NUAK1: variants seen among roughly 807,000 people sequenced by gnomAD.
NUAK1 encodes NUAK family kinase 1, also known as NUAK family SNF1-like kinase 1.
Under a neutral mutation model 56.9 loss-of-function variants are expected in NUAK1, and 26 were observed. The observed-to-expected ratio is 0.46, with a 90% CI of 0.33 to 0.63. The LOEUF is 0.63. Ranked by LOEUF, NUAK1 falls within the 30% of genes least tolerant of loss-of-function variation. The pLI is 0.02. For missense variants in NUAK1, 727 were observed against 876.1 expected (o/e 0.83, Z 2.15); for synonymous variants, 337 against 336.0 (o/e 1.00, Z -0.03).
At position 106,138,391 on chromosome 12, in the gene NUAK1, C is replaced by G. The variant is rs781559965; in HGVS notation, c.240+23G>C. ...CCGCGTCCACCCAGCGCCCCCCGCA[C>G]CCTCCAGGATTGCCCCACTCACCAC... On this transcript the variant is annotated intron_variant, in intron 1 of 6. Coordinates refer to ENST00000261402, the MANE Select transcript of NUAK1 (RefSeq NM_014840.3). The surrounding 1 kb of genome is among the most constrained non-coding windows in gnomAD (Gnocchi z 5.0). 5.7e-6 allele frequency: 9 copies of G among 1,585,770 alleles called. No individual in the cohort carries two copies. In the South Asian group the frequency reaches 1.0e-4, roughly 18 times the overall value.
At chr12:106,106,080 C>T in intron 2 of NUAK1, 1 of 200,914 alleles carries the variant, frequency 5.0e-6, no homozygotes, top group South Asian at 1.3e-4. Flanking sequence ...GTTATTTGGT[C>T]ACCCAGCAAA....
Position 106,130,017 on chromosome 12 carries a change from C to T in NUAK1, c.240+8397G>A, listed in dbSNP as rs1034555317. The stretch of plus-strand genomic sequence containing the variant: ...CTCTCTGTGAGACGGAGTCTGCCTC[C>T]GTCACCCAGACTGGAGTGCAGTGGC... On this transcript the variant is annotated intron_variant, in intron 1 of 6. Transcript: ENST00000261402. 1.6e-4 allele frequency among the ~76,000 whole-genome samples: 24 copies of T among 152,080 alleles called. 1 individual carries two copies. The highest frequency in any genetic ancestry group is 5.5e-4 in the African/African-American group (23 of 41,508).
At chr12:106,119,685 C>T (rs1038896348) in intron 1 of NUAK1, among the ~76,000 whole-genome samples, 1 of 152,002 alleles carries the variant, frequency 6.6e-6, no homozygotes, top group Non-Finnish European at 1.5e-5. Context: ...GCACTATTTT[C>T]GCTAAGGGAA....
intron 2 of NUAK1, among the ~76,000 whole-genome samples, chr12:106,093,911 G>A (rs560022792): frequency 1.3e-5 from 2 of 152,136 alleles, no homozygotes; most frequent in African/African-American, 4.8e-5. Context: ...TGATCCTCCT[G>A]CCTCAGTCTC....
chr12:106,138,775 G>T lies in NUAK1; in HGVS notation c.-122C>A. 7.6e-7 allele frequency: 1 copy of T among 1,316,076 alleles called. No homozygotes were observed. Among genetic ancestry groups the T allele is most frequent in the Non-Finnish European group, 9.9e-7 (1 of 1,010,782 alleles). The allele number at this position is 1,316,076 out of a possible 1,614,324, so 81.5% of individuals were successfully genotyped here. ...GTCGCCCCCGCAGCATCAGGGAGGC[G>T]GCCCGATACCGCTCGGACTGCGGCT... On this transcript the variant is annotated 5_prime_UTR_variant, in exon 1 of 7. Coordinates refer to ENST00000261402, the MANE Select transcript of NUAK1 (RefSeq NM_014840.3). The surrounding 1 kb of genome is among the most constrained non-coding windows in gnomAD (Gnocchi z 5.0).
At chr12:106,123,013 T>C (rs968579952) in intron 1 of NUAK1, among the ~76,000 whole-genome samples, 2 of 152,226 alleles carry the variant, frequency 1.3e-5, no homozygotes, top group African/African-American at 2.4e-5. Context: ...ATCCATTACA[T>C]GGTTTCACCT....
chr12:106,121,770 G>C (rs967631096), intron 1 of NUAK1, among the ~76,000 whole-genome samples: 12 of 152,126 alleles, frequency 7.9e-5, no homozygotes, highest in African/African-American at 2.7e-4. Context: ...AAGGTGGGGG[G>C]GTGTGGGGAG....
chr12:106,092,773 T>C (rs2032649403), intron 2 of NUAK1, among the ~76,000 whole-genome samples: 1 of 152,178 alleles, frequency 6.6e-6, no homozygotes, highest in South Asian at 2.1e-4. Flanking sequence ...GTTGGGTAGA[T>C]ACCCAGCAAG....
chr12:106,090,152 C>T (rs906203015), intron 2 of NUAK1, among the ~76,000 whole-genome samples: 3 of 152,088 alleles, frequency 2.0e-5, no homozygotes, highest in Admixed American at 1.3e-4. Context: ...AGATGATACC[C>T]GAGGGATAAA....
chr12:106,099,490 A>G (rs2032727418), intron 2 of NUAK1, among the ~76,000 whole-genome samples: 1 of 152,186 alleles, frequency 6.6e-6, no homozygotes, highest in Non-Finnish European at 1.5e-5. Flanking sequence ...TACATATCAC[A>G]GGGTCAAGAA....
rs552979238 is a variant in NUAK1, at chr12:106,065,093, T to C, written c.*1709A>G. 13 of 152,348 alleles carry C rather than the reference T, an allele frequency of 8.5e-5. No individual in the cohort carries two copies. In the East Asian group the frequency reaches 2.3e-3, roughly 27 times the overall value. 9.4% of individuals were successfully genotyped at this position (152,348 alleles called of 1,614,324 possible). Reference sequence around the variant, plus strand: ...TATTGTTTGTTGGTTTTTCCAAAGATGTTCCCAAGACCAGTCCTCTTTTCT... The same window carrying C: ...TATTGTTTGTTGGTTTTTCCAAAGACGTTCCCAAGACCAGTCCTCTTTTCT... On this transcript the variant is annotated 3_prime_UTR_variant, in exon 7 of 7. Transcript: ENST00000261402.
chr12:106,091,725 T>C (rs2032637822), intron 2 of NUAK1, among the ~76,000 whole-genome samples: 1 of 152,124 alleles, frequency 6.6e-6, no homozygotes, highest in Non-Finnish European at 1.5e-5. Context: ...ACCTGTGAAA[T>C]TGTCTGGGGC....
chr12:106,088,447 G>A (rs1322944687), intron 2 of NUAK1, among the ~76,000 whole-genome samples: 1 of 152,156 alleles, frequency 6.6e-6, no homozygotes, highest in African/African-American at 2.4e-5. Context: ...GTCAATACTT[G>A]CCTCATAGCA....
chr12:106,129,901 C>T (rs1354210122), intron 1 of NUAK1, among the ~76,000 whole-genome samples: 1 of 152,162 alleles, frequency 6.6e-6, no homozygotes, highest in Non-Finnish European at 1.5e-5. Flanking sequence ...CCATCTAGCT[C>T]CTGGGTAGCA....
chr12:106,084,530 T>C (rs2032552880), intron 3 of NUAK1, among the ~76,000 whole-genome samples: 1 of 152,186 alleles, frequency 6.6e-6, no homozygotes. Flanking sequence ...AGATGAAGCA[T>C]GAGAGCAGAC....
At chr12:106,087,491 C>A (rs1364394800) in intron 2 of NUAK1, among the ~76,000 whole-genome samples, 1 of 152,202 alleles carries the variant, frequency 6.6e-6, no homozygotes, top group East Asian at 1.9e-4. Flanking sequence ...CTGTTTCACT[C>A]ACTGGTGTAT....
At chr12:106,135,747 T>C (rs1427868856) in intron 1 of NUAK1, among the ~76,000 whole-genome samples, 1 of 152,232 alleles carries the variant, frequency 6.6e-6, no homozygotes, top group Non-Finnish European at 1.5e-5. Context: ...GATAGTGCCC[T>C]TTCAGTTCTC....
At chr12:106,109,471 T>C (rs1181421976) in intron 1 of NUAK1, among the ~76,000 whole-genome samples, 1 of 149,996 alleles carries the variant, frequency 6.7e-6, no homozygotes, top group Non-Finnish European at 1.5e-5. Flanking sequence ...TCACACCAAC[T>C]ACTTTATTAG....
At chr12:106,103,470 GA>G (rs2032768992) in intron 2 of NUAK1, 1 of 152,092 alleles carries the variant, frequency 6.6e-6, no homozygotes, top group Non-Finnish European at 1.5e-5. Context: ...CCAACTTCTA[GA>G]AATTCCCCTC....
Sources: allele counts gnomAD v4.1 joint callset (sites outside exome capture counted in the v4.1 genomes callset), GRCh38; gene constraint gnomAD v4.1.1; non-coding constraint Gnocchi (gnomAD v3.1); transcripts MANE v1.5; gene names NCBI Gene and HGNC (gene_info 2026-07-23, HGNC 2026-07-21).